CASQ2: variants seen among roughly 807,000 people sequenced by gnomAD.
CASQ2 encodes the protein calsequestrin-2.
A neutral mutation model predicts 46.5 loss-of-function variants in CASQ2; 49 were observed. The observed-to-expected ratio is 1.05, with a 90% CI of 0.84 to 1.34. CASQ2 has a LOEUF of 1.34. Ranked by LOEUF, CASQ2 falls within the 40% of genes most tolerant of loss-of-function variation. The pLI is 0.00. For synonymous variants in CASQ2, 174 were observed against 168.5 expected (o/e 1.03, Z -0.25); for missense variants, 486 against 481.3 (o/e 1.01, Z -0.09).
rs753965730 is a variant in CASQ2, at chr1:115,729,035, C to CTTT, written c.607-1916_607-1914dup. Among the ~76,000 whole-genome samples, 63 of 68,866 alleles carry CTTT rather than the reference C, an allele frequency of 9.1e-4. 1 individual carries two copies. The highest frequency in any genetic ancestry group is 0.022 in the Middle Eastern group (2 of 92). The allele number at this position is 68,866 out of a possible 152,430, so 45.2% of individuals were successfully genotyped here. On this transcript the variant is annotated intron_variant, in intron 5 of 10. Coordinates refer to ENST00000261448, the MANE Select transcript of CASQ2 (RefSeq NM_001232.4). Reference sequence around the variant, plus strand: ...TCTCAGAGAATCCCTCTCTTTCATTCTTTTTTTTTTTTTTTTTTTTTTTTT... The same window carrying CTTT: ...TCTCAGAGAATCCCTCTCTTTCATTCTTTTTTTTTTTTTTTTTTTTTTTTTTTT...
chr1:115,743,779 G>T, intron 2 of CASQ2, among the ~76,000 whole-genome samples: 1 of 146,526 alleles, frequency 6.8e-6, no homozygotes. Context: ...TTTTTTAATA[G>T]CCATTCTTCA....
At chr1:115,762,300 A>G (rs1648990984) in intron 1 of CASQ2, among the ~76,000 whole-genome samples, 1 of 152,238 alleles carries the variant, frequency 6.6e-6, no homozygotes, top group Non-Finnish European at 1.5e-5. Context: ...TCAATGATAC[A>G]TTCATTTACT....
chr1:115,730,003 C>A (rs765054115), intron 5 of CASQ2, among the ~76,000 whole-genome samples: 1 of 152,150 alleles, frequency 6.6e-6, no homozygotes, highest in African/African-American at 2.4e-5. Context: ...TGGAACCATC[C>A]TTGGCCCTCT....
At chr1:115,729,456 G>T (rs1647714575) in intron 5 of CASQ2, among the ~76,000 whole-genome samples, 2 of 152,110 alleles carry the variant, frequency 1.3e-5, no homozygotes, top group Admixed American at 6.5e-5. Context: ...ATTTAGTGGG[G>T]CCTACTGAAC....
chr1:115,731,799 G>C (rs1647792983), intron 5 of CASQ2, among the ~76,000 whole-genome samples: 3 of 152,226 alleles, frequency 2.0e-5, no homozygotes, highest in Admixed American at 2.0e-4. Flanking sequence ...CCTTATGGGA[G>C]TGTTGAAAGG....
In CASQ2 at chr1:115,768,360, G is replaced by A. The variant is rs760575933; in HGVS notation, c.182C>T (p.Ser61Phe). The A allele has an allele frequency of 6.2e-7, 1 of 1,614,098 alleles. No individual in the cohort carries two copies. The highest frequency in any genetic ancestry group is 1.1e-5 in the South Asian group (1 of 91,084). ...CTGTTTTTGCGTGACCTTATCTGAA[G>A]ACACCGGCTCATGGTAGTAGAGGCA... is the stretch of plus-strand genomic sequence containing the variant. The part of the protein sequence containing the change: ...LLCLYYHEPV[S>F]SDKVTQKQFQ... Residue 61 changes from serine (S) to phenylalanine (F), a missense_variant, in exon 1 of 11, where the codon TCT (serine) becomes TTT (phenylalanine). Ser to Phe is a radical substitution (Grantham distance 155). Coordinates refer to ENST00000261448, the MANE Select transcript of CASQ2 (RefSeq NM_001232.4).
intron 9 of CASQ2, among the ~76,000 whole-genome samples, chr1:115,704,377 T>C (rs1395955586): frequency 6.6e-6 from 1 of 152,230 alleles, no homozygotes; most frequent in Non-Finnish European, 1.5e-5. Context: ...TATCACTCAC[T>C]AGCTTTAACC....
At chr1:115,761,450 A>G (rs376863731) in intron 1 of CASQ2, among the ~76,000 whole-genome samples, 2 of 11,820 alleles carry the variant, frequency 1.7e-4, no homozygotes, top group Non-Finnish European at 1.8e-4. Context: ...AAGAAGAAGA[A>G]GAAGAAGAAG....
chr1:115,707,503 TG>T lies in CASQ2; in HGVS notation c.839-2212del, dbSNP rs199959192. Reference sequence around the variant, plus strand: ...TGTCATTGCAGGGCTGGGGGTGAGGTGGGGTAGGGGCATTACTCCTGCTGCC... The same window carrying T: ...TGTCATTGCAGGGCTGGGGGTGAGGTGGGTAGGGGCATTACTCCTGCTGCC... On this transcript the variant is annotated intron_variant, in intron 8 of 10. Coordinates refer to ENST00000261448, the MANE Select transcript of CASQ2 (RefSeq NM_001232.4). Among the ~76,000 whole-genome samples the T allele has an allele frequency of 8.1e-3, 1,230 of 151,866 alleles. 18 individuals are homozygous for T. The highest frequency in any genetic ancestry group is 0.029 in the African/African-American group (1,180 of 41,382).
At chr1:115,748,177 C>T (rs1013180804) in intron 1 of CASQ2, among the ~76,000 whole-genome samples, 4 of 152,300 alleles carry the variant, frequency 2.6e-5, no homozygotes, top group African/African-American at 9.6e-5. Flanking sequence ...GGCTCTACAA[C>T]TCATACTATA....
At chr1:115,724,577 T>G (rs1455409496) in intron 7 of CASQ2, among the ~76,000 whole-genome samples, 1 of 152,236 alleles carries the variant, frequency 6.6e-6, no homozygotes, top group Non-Finnish European at 1.5e-5. Context: ...ATTTATGAAC[T>G]TCTGTACATA....
chr1:115,739,236 C>T (rs565381868), intron 3 of CASQ2, among the ~76,000 whole-genome samples: 297 of 150,430 alleles, frequency 2.0e-3, no homozygotes, highest in Middle Eastern at 3.5e-3. Flanking sequence ...CTTAGCCTCC[C>T]GAGTAGCTGG....
intron 4 of CASQ2, among the ~76,000 whole-genome samples, chr1:115,736,128 A>T (rs941724572): frequency 2.7e-4 from 41 of 149,258 alleles, no homozygotes; most frequent in Non-Finnish European, 5.3e-4. Flanking sequence ...GCACCATTGC[A>T]CTCCAGCCTG....
chr1:115,751,601 G>T (rs564665393), intron 1 of CASQ2, among the ~76,000 whole-genome samples: 1 of 152,180 alleles, frequency 6.6e-6, no homozygotes, highest in East Asian at 1.9e-4. Context: ...GAGCCCTGGA[G>T]GTGGAGCTTG....
At chr1:115,715,627 A>G (rs146309606) in intron 8 of CASQ2, among the ~76,000 whole-genome samples, 63 of 152,346 alleles carry the variant, frequency 4.1e-4, no homozygotes, top group African/African-American at 1.5e-3. Flanking sequence ...TGTTTGCACA[A>G]CTTTGTGAAT....
At chr1:115,725,702 C>G in intron 6 of CASQ2, 149 bp from the exon 7 acceptor site, 4 of 1,014,796 alleles carry the variant, frequency 3.9e-6, no homozygotes, top group Non-Finnish European at 5.7e-6. Flanking sequence ...CACTTATCTT[C>G]TAAGGAAACA....
chr1:115,712,689 C>T lies in CASQ2; in HGVS notation c.838+5151G>A, dbSNP rs182541907. 1.0e-3 allele frequency among the ~76,000 whole-genome samples: 152 copies of T among 152,068 alleles called. 1 individual carries two copies. The highest frequency in any genetic ancestry group is 3.4e-3 in the Middle Eastern group (1 of 294). ...CCCATAATCCCAGCACTTTGGGAGG[C>T]TATTGAAAATACAAAACTTAGCCAG... is the stretch of plus-strand genomic sequence containing the variant. On this transcript the variant is annotated intron_variant, in intron 8 of 10. Coordinates refer to ENST00000261448, the MANE Select transcript of CASQ2 (RefSeq NM_001232.4).
intron 1 of CASQ2, among the ~76,000 whole-genome samples, chr1:115,759,859 T>C (rs1247887911): frequency 6.6e-6 from 1 of 152,204 alleles, no homozygotes; most frequent in African/African-American, 2.4e-5. Flanking sequence ...AGCAACCAAA[T>C]AGACGCATGT....
chr1:115,734,078 G>A (rs1325159897), intron 4 of CASQ2, among the ~76,000 whole-genome samples: 6 of 152,198 alleles, frequency 3.9e-5, no homozygotes, highest in Admixed American at 2.0e-4. Context: ...GGAAAGTCAT[G>A]AGAATACTTG....
Sources: gnomAD v4.1 joint callset for allele counts (sites outside exome capture counted in the v4.1 genomes callset) on GRCh38, gnomAD v4.1.1 for gene constraint, MANE v1.5 for transcripts, NCBI Gene and HGNC (gene_info 2026-07-23, HGNC 2026-07-21) for gene names.